TSPAN9: variants seen among roughly 807,000 people sequenced by gnomAD.
The protein encoded by TSPAN9 is tetraspanin 9.
A neutral mutation model predicts 31.0 loss-of-function variants in TSPAN9; 16 were observed. The observed-to-expected ratio is 0.52, with a 90% confidence interval of 0.35 to 0.78. The LOEUF is 0.78. Ranked by LOEUF, TSPAN9 falls within the 30% of genes least tolerant of loss-of-function variation. The pLI, the probability that TSPAN9 is intolerant of heterozygous loss-of-function variation, is 0.01. For synonymous variants in TSPAN9, 145 were observed against 121.6 expected (o/e 1.19, Z -1.27); for missense variants, 272 against 312.5 (o/e 0.87, Z 0.98).
chr12:3,211,286 G>A (rs1433165574), intron 3 of TSPAN9, among the ~76,000 whole-genome samples: 2 of 152,044 alleles, frequency 1.3e-5, no homozygotes, highest in African/African-American at 2.4e-5. Context: ...GACCTGTACC[G>A]CCACCTGTGT....
intron 2 of TSPAN9, among the ~76,000 whole-genome samples, chr12:3,115,687 A>T (rs969248066): frequency 6.6e-6 from 1 of 152,114 alleles, no homozygotes; most frequent in Non-Finnish European, 1.5e-5. Flanking sequence ...TTAGGGCACA[A>T]TCCCATTCCT....
chr12:3,089,377 A>G (rs2153962874), intron 2 of TSPAN9, among the ~76,000 whole-genome samples: 1 of 143,142 alleles, frequency 7.0e-6, no homozygotes, highest in South Asian at 2.3e-4. Flanking sequence ...GCTCACTGCA[A>G]CCTCCCACTC....
chr12:3,238,085 G>A (rs1386188568), intron 3 of TSPAN9, among the ~76,000 whole-genome samples: 3 of 152,076 alleles, frequency 2.0e-5, no homozygotes, highest in African/African-American at 4.8e-5. Flanking sequence ...AGAGAAGGAC[G>A]AGACTATTCC....
At chr12:3,252,427 C>T (rs1009848465) in intron 3 of TSPAN9, among the ~76,000 whole-genome samples, 13 of 152,212 alleles carry the variant, frequency 8.5e-5, no homozygotes, top group South Asian at 4.1e-4. Flanking sequence ...CCTGTGTGAG[C>T]GGGTGCTCTC....
intron 3 of TSPAN9, among the ~76,000 whole-genome samples, chr12:3,246,596 A>G (rs1862133008): frequency 6.6e-6 from 1 of 152,188 alleles, no homozygotes; most frequent in African/African-American, 2.4e-5. Flanking sequence ...GTGCCAGGGA[A>G]CAGTAGCCCA....
chr12:3,232,042 C>T (rs2098391022), intron 3 of TSPAN9, among the ~76,000 whole-genome samples: 1 of 152,198 alleles, frequency 6.6e-6, no homozygotes, highest in Non-Finnish European at 1.5e-5. Context: ...GGGCCTCTTC[C>T]AGAGGTCCCT....
At chr12:3,225,836 C>T (rs1282165123) in intron 3 of TSPAN9, among the ~76,000 whole-genome samples, 3 of 151,918 alleles carry the variant, frequency 2.0e-5, no homozygotes, top group East Asian at 3.9e-4. Flanking sequence ...AGGTGGACTC[C>T]CTAGAGAGGT....
chr12:3,234,579 G>A (rs1312822005), intron 3 of TSPAN9, among the ~76,000 whole-genome samples: 1 of 152,134 alleles, frequency 6.6e-6, no homozygotes, highest in Non-Finnish European at 1.5e-5. Flanking sequence ...GTATTTCTGG[G>A]AGGCTGAGAC....
intron 2 of TSPAN9, among the ~76,000 whole-genome samples, chr12:3,128,214 G>A (rs74057563): frequency 8.2e-4 from 125 of 152,222 alleles, no homozygotes; most frequent in African/African-American, 2.9e-3. Flanking sequence ...TGTTTGGGGT[G>A]GCAGACTGAG....
At chr12:3,096,044 G>C (rs999806990) in intron 2 of TSPAN9, among the ~76,000 whole-genome samples, 2 of 130,780 alleles carry the variant, frequency 1.5e-5, no homozygotes, top group African/African-American at 8.9e-5. Flanking sequence ...GCTGCCTCCC[G>C]GGCGGCGCTC....
intron 3 of TSPAN9, among the ~76,000 whole-genome samples, chr12:3,268,466 G>C (rs767958005): frequency 7.5e-4 from 67 of 89,644 alleles, no homozygotes; most frequent in African/African-American, 1.4e-3. Flanking sequence ...CCTGCCCTCT[G>C]TGCGTTCCTG....
intron 2 of TSPAN9, among the ~76,000 whole-genome samples, chr12:3,120,688 G>C (rs2098324648): frequency 1.3e-5 from 2 of 152,274 alleles, no homozygotes; most frequent in South Asian, 4.1e-4. Context: ...GCCTGGGCCA[G>C]GGACCACATA....
intron 3 of TSPAN9, among the ~76,000 whole-genome samples, chr12:3,211,284 C>T (rs2098378551): frequency 6.6e-6 from 1 of 152,170 alleles, no homozygotes; most frequent in Admixed American, 6.5e-5. Context: ...CAGACCTGTA[C>T]CGCCACCTGT....
chr12:3,108,919 A>G (rs1310977807), intron 2 of TSPAN9, among the ~76,000 whole-genome samples: 1 of 150,926 alleles, frequency 6.6e-6, no homozygotes, highest in Non-Finnish European at 1.5e-5. Flanking sequence ...TATTAATGAT[A>G]GTTTCATTTT....
chr12:3,127,474 G>A (rs1207902776), intron 2 of TSPAN9, among the ~76,000 whole-genome samples: 1 of 151,802 alleles, frequency 6.6e-6, no homozygotes, highest in East Asian at 1.9e-4. Context: ...TCCTGCCTCA[G>A]CCTCCCGAGC....
chr12:3,218,474 T>G (rs1371391702), intron 3 of TSPAN9, among the ~76,000 whole-genome samples: 1 of 152,174 alleles, frequency 6.6e-6, no homozygotes, highest in African/African-American at 2.4e-5. Flanking sequence ...GGGATCTGGT[T>G]GGGGCTATGA....
intron 2 of TSPAN9, among the ~76,000 whole-genome samples, chr12:3,125,831 G>T (rs866851582): frequency 6.6e-6 from 1 of 152,100 alleles, no homozygotes. Context: ...TGAGCCCAGA[G>T]AACACTTGTG....
At chr12:3,236,571 T>C (rs992832672) in intron 3 of TSPAN9, among the ~76,000 whole-genome samples, 7 of 152,296 alleles carry the variant, frequency 4.6e-5, no homozygotes, top group African/African-American at 1.7e-4. Context: ...ACGCCCGGCA[T>C]GCTGTTGGCC....
intron 2 of TSPAN9, chr12:3,173,688 G>T (rs2098353396): frequency 6.6e-6 from 1 of 152,048 alleles, no homozygotes; most frequent in Non-Finnish European, 1.5e-5. Flanking sequence ...AGAGATGGGG[G>T]TCTTGCTATA....
Sources: allele counts gnomAD v4.1 joint callset (sites outside exome capture counted in the v4.1 genomes callset), GRCh38; gene constraint gnomAD v4.1.1; transcripts MANE v1.5; gene names NCBI Gene and HGNC (gene_info 2026-07-23, HGNC 2026-07-21).